Variants in HMGA2 observed in about 807,000 individuals in gnomAD.
HMGA2 encodes the protein high mobility group protein HMGI-C.
HMGA2 carries 8 observed loss-of-function variants against 19.1 expected under a neutral mutation model. That is an observed-to-expected ratio of 0.42 (90% CI 0.25 to 0.76). The LOEUF (loss-of-function observed/expected upper bound fraction) is 0.76, where lower values mean the gene tolerates loss of function less well. Ranked by LOEUF, HMGA2 falls within the 30% of genes least tolerant of loss-of-function variation. The pLI is 0.28. For synonymous variants in HMGA2, 60 were observed against 48.8 expected (o/e 1.23, Z -0.96); for missense variants, 109 against 136.3 (o/e 0.80, Z 1.00).
intron 3 of HMGA2, among the ~76,000 whole-genome samples, chr12:65,880,456 C>A (rs1338470126): frequency 6.6e-6 from 1 of 152,114 alleles, no homozygotes; most frequent in African/African-American, 2.4e-5. Flanking sequence ...TTAATAGATT[C>A]TTTCATTAAA....
chr12:65,946,424 C>CTTCT lies in HMGA2; in HGVS notation c.250-4950_250-4947dup, dbSNP rs1423978343. Among the ~76,000 whole-genome samples the CTTCT allele has an allele frequency of 3.3e-5, 5 of 152,124 alleles. No individual in the cohort carries two copies. In the East Asian group the frequency reaches 9.6e-4, roughly 29 times the overall value. Reference sequence around the variant, plus strand: ...TCTGCACAGACAGCCATGTGAAGGGCTTCTTTCTTTCTAAGGTCAACTTGA... The same window carrying CTTCT: ...TCTGCACAGACAGCCATGTGAAGGGCTTCTTTCTTTCTTTCTAAGGTCAACTTGA... On this transcript the variant is annotated intron_variant, in intron 3 of 4. Coordinates refer to ENST00000403681, the MANE Select transcript of HMGA2 (RefSeq NM_003483.6).
At chr12:65,929,996 A>AAGAT (rs142416259) in intron 3 of HMGA2, among the ~76,000 whole-genome samples, 2,577 of 152,286 alleles carry the variant, frequency 0.017, 27 homozygotes, top group Non-Finnish European at 0.026. Flanking sequence ...GAAACCATGA[A>AAGAT]AGATAGAAAA....
intron 3 of HMGA2, among the ~76,000 whole-genome samples, chr12:65,912,265 T>TA (rs1874878557): frequency 6.6e-6 from 1 of 152,230 alleles, no homozygotes; most frequent in African/African-American, 2.4e-5. Flanking sequence ...TATATTTTTA[T>TA]ATTCTGTCAT....
intron 1 of HMGA2, chr12:65,826,995 C>CATGG (rs1364386359): frequency 6.6e-6 from 1 of 152,190 alleles, no homozygotes; most frequent in Non-Finnish European, 1.5e-5. Flanking sequence ...TGAGGACGTT[C>CATGG]ATGGGTTTTA....
At chr12:65,925,126 AT>A (rs1484648055) in intron 3 of HMGA2, among the ~76,000 whole-genome samples, 2 of 152,312 alleles carry the variant, frequency 1.3e-5, no homozygotes, top group East Asian at 1.9e-4. Flanking sequence ...TTGTTAAAAT[AT>A]TTTTATAAAT....
chr12:65,920,578 C>T (rs1452159064), intron 3 of HMGA2, among the ~76,000 whole-genome samples: 1 of 152,070 alleles, frequency 6.6e-6, no homozygotes. Context: ...ATCATGGGGG[C>T]CAGTCTTTCC....
intron 3 of HMGA2, among the ~76,000 whole-genome samples, chr12:65,905,488 T>C (rs1034658338): frequency 2.0e-5 from 3 of 152,112 alleles, no homozygotes; most frequent in African/African-American, 7.2e-5. Context: ...TTATTACAGT[T>C]TTATAGGTTG....
At chr12:65,901,495 T>A (rs1316977710) in intron 3 of HMGA2, among the ~76,000 whole-genome samples, 1 of 152,130 alleles carries the variant, frequency 6.6e-6, no homozygotes, top group Non-Finnish European at 1.5e-5. Context: ...TCACCAAGCG[T>A]TTATTTGTTG....
chr12:65,909,110 C>A (rs371762988), intron 3 of HMGA2, among the ~76,000 whole-genome samples: 13 of 152,196 alleles, frequency 8.5e-5, no homozygotes, highest in African/African-American at 3.1e-4. Flanking sequence ...GCTTATTATG[C>A]TCAATAATCA....
At chr12:65,931,905 AC>A (rs1384818447) in intron 3 of HMGA2, among the ~76,000 whole-genome samples, 2 of 152,136 alleles carry the variant, frequency 1.3e-5, no homozygotes, top group African/African-American at 4.8e-5. Context: ...ATAGAGCAAG[AC>A]CCTGTCTCTC....
At chr12:65,845,819 A>G (rs1460077759) in intron 3 of HMGA2, among the ~76,000 whole-genome samples, 2 of 152,194 alleles carry the variant, frequency 1.3e-5, no homozygotes, top group Non-Finnish European at 2.9e-5. Flanking sequence ...GCTGTCAAGC[A>G]TTTATGGTTG....
Position 65,949,184 on chromosome 12 carries a change from G to A in HMGA2, c.250-2199G>A, listed in dbSNP as rs146185903. Among the ~76,000 whole-genome samples, 171 of 151,986 alleles carry A rather than the reference G, an allele frequency of 1.1e-3. 4 individuals carry two copies. In the East Asian group the frequency reaches 0.028, roughly 25 times the overall value. Reference sequence around the variant, plus strand: ...TCAAAACTTGGGCTTTTGTGATGACGTCATCTTTACTGTGATTTAAAGTCA... The same window carrying A: ...TCAAAACTTGGGCTTTTGTGATGACATCATCTTTACTGTGATTTAAAGTCA... On this transcript the variant is annotated intron_variant, in intron 3 of 4. Transcript: ENST00000403681.
intron 3 of HMGA2, chr12:65,843,428 G>GT (rs1031151981): frequency 1.2e-4 from 24 of 200,166 alleles, no homozygotes; most frequent in Non-Finnish European, 1.2e-4. Context: ...GACAGCAAGG[G>GT]TTTTTTTCCC....
intron 3 of HMGA2, among the ~76,000 whole-genome samples, chr12:65,870,909 A>G (rs971331758): frequency 1.3e-5 from 2 of 152,206 alleles, no homozygotes; most frequent in Admixed American, 1.3e-4. Flanking sequence ...GTGGATGTGG[A>G]CAGTGAACCT....
At chr12:65,827,964 C>T (rs1287148840) in intron 1 of HMGA2, 37 bp from the exon 2 acceptor site, 4 of 1,426,046 alleles carry the variant, frequency 2.8e-6, no homozygotes, top group Non-Finnish European at 4.0e-6. Flanking sequence ...TTCAGACATT[C>T]TTGCCACAAC....
chr12:65,962,165 T>C (rs887788700), intron 4 of HMGA2, among the ~76,000 whole-genome samples: 11 of 152,230 alleles, frequency 7.2e-5, no homozygotes, highest in Non-Finnish European at 7.3e-5. Context: ...CATGCCGTCT[T>C]ATGAGACAAT....
At chr12:65,871,614 T>C (rs1021718107) in intron 3 of HMGA2, among the ~76,000 whole-genome samples, 16 of 152,212 alleles carry the variant, frequency 1.1e-4, no homozygotes, top group Admixed American at 1.3e-4. Context: ...AAATGTTTTC[T>C]CCATTACTAT....
chr12:65,956,460 G>A (rs910818671), intron 4 of HMGA2: 1 of 152,216 alleles, frequency 6.6e-6, no homozygotes, highest in Non-Finnish European at 1.5e-5. Flanking sequence ...GAAGCACAGG[G>A]AAATTGGAGG....
At position 65,824,624 on chromosome 12, in the gene HMGA2, C is replaced by G. The variant is rs371118308; in HGVS notation, c.-647C>G. ...GTGCCACCCACTACTCTGTCCTCTG[C>G]CTGTGCTCCGTGCCCGACCCTATCC... On this transcript the variant is annotated 5_prime_UTR_variant, in exon 1 of 5. Transcript: ENST00000403681. 455 of 233,080 alleles carry G rather than the reference C, an allele frequency of 2.0e-3. 4 individuals are homozygous for G. The highest frequency in any genetic ancestry group is 9.1e-3 in the African/African-American group (412 of 45,316). The allele number at this position is 233,080 out of a possible 1,614,324, so 14.4% of individuals were successfully genotyped here. A position where few individuals can be genotyped will look rare whatever the true frequency, so the allele number is the denominator to read the frequency against.
Sources: gnomAD v4.1 joint callset for allele counts (sites outside exome capture counted in the v4.1 genomes callset) on GRCh38, gnomAD v4.1.1 for gene constraint, MANE v1.5 for transcripts, NCBI Gene and HGNC (gene_info 2026-07-23, HGNC 2026-07-21) for gene names.